Variants in MTRFR observed in about 807,000 individuals in gnomAD.
The protein encoded by MTRFR is mitochondrial translation release factor in rescue.
Under a neutral mutation model 11.9 loss-of-function variants are expected in MTRFR, and 10 were observed. That is an observed-to-expected ratio of 0.84 (90% CI 0.52 to 1.42). MTRFR has a LOEUF of 1.42. MTRFR is among the 40% of genes most tolerant of loss of function. The pLI is 0.00. For synonymous variants in MTRFR, 77 were observed against 79.1 expected, an observed-to-expected ratio of 0.97 and a Z score of 0.14; for missense variants, 196 against 197.9, an observed-to-expected ratio of 0.99 and a Z score of 0.06.
At chr12:123,235,268 T>C (rs2138736286) in intron 1 of MTRFR, among the ~76,000 whole-genome samples, 1 of 152,304 alleles carries the variant, frequency 6.6e-6, no homozygotes, top group South Asian at 2.1e-4. Context: ...AGTAAGTAAA[T>C]TGTGGCATTG....
chr12:123,255,355 G>T (rs527964797), intron 2 of MTRFR, among the ~76,000 whole-genome samples: 1 of 152,318 alleles, frequency 6.6e-6, no homozygotes, highest in South Asian at 2.1e-4. Context: ...TCATTCATGA[G>T]TAACAAAATT....
chr12:123,255,615 C>T (rs1399599505), intron 2 of MTRFR, among the ~76,000 whole-genome samples: 1 of 152,034 alleles, frequency 6.6e-6, no homozygotes, highest in Non-Finnish European at 1.5e-5. Context: ...CCCCACCACA[C>T]TCAGTGTTTT....
At chr12:123,242,397 A>G (rs141049862) in intron 1 of MTRFR, among the ~76,000 whole-genome samples, 270 of 152,282 alleles carry the variant, frequency 1.8e-3, no homozygotes, top group African/African-American at 6.1e-3. Flanking sequence ...TCATGTCACA[A>G]TGAGCTATAA....
intron 1 of MTRFR, among the ~76,000 whole-genome samples, chr12:123,247,009 G>A (rs769943500): frequency 6.6e-6 from 1 of 151,840 alleles, no homozygotes; most frequent in Non-Finnish European, 1.5e-5. Flanking sequence ...GATTACAGGC[G>A]TGAGCCACCG....
chr12:123,244,521 C>G (rs1387011910), intron 1 of MTRFR, among the ~76,000 whole-genome samples: 1 of 152,212 alleles, frequency 6.6e-6, no homozygotes, highest in East Asian at 1.9e-4. Flanking sequence ...ATGCTCTAAC[C>G]AAGTGGTACT....
intron 1 of MTRFR, 65 bp from the exon 2 acceptor site, chr12:123,253,582 A>G: frequency 6.6e-7 from 1 of 1,510,254 alleles, no homozygotes; most frequent in Non-Finnish European, 9.2e-7. Context: ...CTGTCTTTGA[A>G]TCTGAAGCAT....
intron 1 of MTRFR, among the ~76,000 whole-genome samples, chr12:123,236,105 G>C (rs1031659408): frequency 2.0e-5 from 3 of 151,962 alleles, no homozygotes; most frequent in East Asian, 3.9e-4. Context: ...AAAAGTTAAG[G>C]AAAAGGAGCT....
chr12:123,252,476 G>C (rs535324265), intron 1 of MTRFR: 1 of 151,236 alleles, frequency 6.6e-6, no homozygotes, highest in African/African-American at 2.4e-5. Flanking sequence ...CCAACGATGA[G>C]TACCAGTTGG....
chr12:123,257,087 T>A lies in MTRFR; in HGVS notation c.*56T>A. On this transcript the variant is annotated 3_prime_UTR_variant, in exon 3 of 3. Coordinates refer to ENST00000253233, the MANE Select transcript of MTRFR (RefSeq NM_152269.5). ...TCTGCCAGAAGCTCCCAGGGAATAA[T>A]GGTGGCGAGTTCCATCACCAGCATT... is the stretch of plus-strand genomic sequence containing the variant. 1 of 1,339,256 alleles carries A rather than the reference T, an allele frequency of 7.5e-7. No individual in the cohort carries two copies. Among genetic ancestry groups the A allele is most frequent in the East Asian group, 2.3e-5 (1 of 43,628 alleles). The allele number at this position is 1,339,256 out of a possible 1,614,324, so 83.0% of individuals were successfully genotyped here. A position where few individuals can be genotyped will look rare whatever the true frequency, so the allele number is the denominator to read the frequency against.
At chr12:123,251,453 A>G (rs2048110585) in intron 1 of MTRFR, 1 of 152,260 alleles carries the variant, frequency 6.6e-6, no homozygotes, top group Non-Finnish European at 1.5e-5. Context: ...CTCCCGATGG[A>G]TCCCTGTGGT....
chr12:123,237,103 A>T (rs1467592615), intron 1 of MTRFR, among the ~76,000 whole-genome samples: 3 of 152,022 alleles, frequency 2.0e-5, no homozygotes, highest in Non-Finnish European at 4.4e-5. Context: ...AATAGAAGAA[A>T]TATGATACAC....
rs1565999575 is a variant in MTRFR at position 123,257,056 on chromosome 12, A to T, written c.*25A>T. The T allele has an allele frequency of 6.4e-7, 1 of 1,563,968 alleles. No individual in the cohort carries two copies. The highest frequency in any genetic ancestry group is 1.4e-5 in the African/African-American group (1 of 73,912). On this transcript the variant is annotated 3_prime_UTR_variant, in exon 3 of 3. Coordinates refer to ENST00000253233, the MANE Select transcript of MTRFR (RefSeq NM_152269.5). Reference sequence around the variant, plus strand: ...AGAAAAGAATTAGAGATTCCAACTGACAGAATCTGCCAGAAGCTCCCAGGG... The same window carrying T: ...AGAAAAGAATTAGAGATTCCAACTGTCAGAATCTGCCAGAAGCTCCCAGGG...
In MTRFR at chr12:123,257,502, G is replaced by A. The variant is rs553086281; in HGVS notation, c.*471G>A. The A allele has an allele frequency of 1.9e-4, 32 of 167,826 alleles. No homozygotes were observed. The South Asian group carries it at 4.2e-3, about 22-fold the overall frequency. The allele number at this position is 167,826 out of a possible 1,614,324, so 10.4% of individuals were successfully genotyped here. ...CTGCACTCAAGCCTGGGCAACACCT[G>A]GGTGACAGAGCGAGACCCCATCTCA... On this transcript the variant is annotated 3_prime_UTR_variant, in exon 3 of 3. Transcript: ENST00000253233.
intron 1 of MTRFR, chr12:123,252,041 T>A (rs1380644069): frequency 1.3e-5 from 2 of 152,266 alleles, no homozygotes; most frequent in East Asian, 3.8e-4. Flanking sequence ...CCATCTCATC[T>A]GTCTTTTAAT....
intron 1 of MTRFR, among the ~76,000 whole-genome samples, chr12:123,239,774 T>G (rs908242649): frequency 1.3e-5 from 2 of 152,122 alleles, no homozygotes; most frequent in African/African-American, 4.8e-5. Context: ...TTTTTATTTT[T>G]TTTTCCCCCA....
At chr12:123,236,836 C>T (rs1026696703) in intron 1 of MTRFR, among the ~76,000 whole-genome samples, 6 of 152,140 alleles carry the variant, frequency 3.9e-5, no homozygotes, top group African/African-American at 1.4e-4. Flanking sequence ...CACCTCTCAG[C>T]ACTTTGAGAG....
chr12:123,252,427 G>C (rs1440998803), intron 1 of MTRFR: 1 of 92,282 alleles, frequency 1.1e-5, no homozygotes, highest in East Asian at 8.8e-4. Context: ...GTGGGACTCT[G>C]TCTCAAAAAA....
intron 1 of MTRFR, among the ~76,000 whole-genome samples, chr12:123,241,163 T>G (rs117091269): frequency 0.037 from 5,610 of 151,408 alleles, 138 homozygotes; most frequent in Non-Finnish European, 0.056. Context: ...TTTTTGTTTT[T>G]TTTTTAATAA....
intron 1 of MTRFR, among the ~76,000 whole-genome samples, chr12:123,238,146 G>GCCTC (rs2047880048): frequency 6.6e-6 from 1 of 152,036 alleles, no homozygotes; most frequent in Admixed American, 6.6e-5. Context: ...TCCACCCTCA[G>GCCTC]CCTCCCAAAG....
Sources: gnomAD v4.1 joint callset for allele counts (sites outside exome capture counted in the v4.1 genomes callset) on GRCh38, gnomAD v4.1.1 for gene constraint, MANE v1.5 for transcripts, NCBI Gene and HGNC (gene_info 2026-07-23, HGNC 2026-07-21) for gene names.